The following RBFOX1 variants were observed in gnomAD, a reference collection of about 807,000 sequenced individuals.
RBFOX1 encodes RNA binding protein fox-1 homolog 1.
In RBFOX1, 8 loss-of-function variants were observed where a neutral mutation model predicts 57.7. The observed-to-expected ratio is 0.14, with a 90% CI of 0.08 to 0.25. The LOEUF (loss-of-function observed/expected upper bound fraction) is 0.25, where lower values mean the gene tolerates loss of function less well. Ranked by LOEUF, RBFOX1 falls within the 10% of genes least tolerant of loss-of-function variation. RBFOX1 has a pLI of 1.00. For missense variants in RBFOX1, 611 were observed against 548.5 expected, an observed-to-expected ratio of 1.11 and a Z score of -1.14; for synonymous variants, 326 against 222.4, an observed-to-expected ratio of 1.47 and a Z score of -4.15.
At chr16:7,596,894 T>C (rs1413134815) in intron 8 of RBFOX1, among the ~76,000 whole-genome samples, 2 of 152,236 alleles carry the variant, frequency 1.3e-5, no homozygotes, top group Non-Finnish European at 2.9e-5. Flanking sequence ...GCTTTCCTGA[T>C]GGTTCTTTCC....
intron 4 of RBFOX1, among the ~76,000 whole-genome samples, chr16:5,888,186 C>A (rs2057947314): frequency 6.6e-6 from 1 of 152,146 alleles, no homozygotes; most frequent in Non-Finnish European, 1.5e-5. Flanking sequence ...TGCCCCAGCG[C>A]CTTTGCAGAG....
chr16:5,760,019 A>C (rs1047406673), intron 3 of RBFOX1, among the ~76,000 whole-genome samples: 3 of 151,986 alleles, frequency 2.0e-5, no homozygotes, highest in African/African-American at 4.8e-5. Flanking sequence ...AAAAAAAAAA[A>C]AAACCTTGTA....
intron 5 of RBFOX1, among the ~76,000 whole-genome samples, chr16:7,519,075 T>C (rs2076990783): frequency 6.6e-6 from 1 of 152,144 alleles, no homozygotes; most frequent in South Asian, 2.1e-4. Flanking sequence ...TACCTTAAAA[T>C]TAGTATATTT....
At chr16:7,111,878 G>A (rs900751375) in intron 4 of RBFOX1, among the ~76,000 whole-genome samples, 18 of 151,830 alleles carry the variant, frequency 1.2e-4, no homozygotes, top group Admixed American at 9.8e-4. Context: ...CAGTTGAATT[G>A]AAAAGCTGCT....
chr16:6,871,956 TGTGTG>T (rs1224088052), intron 3 of RBFOX1, among the ~76,000 whole-genome samples: 4 of 150,002 alleles, frequency 2.7e-5, no homozygotes, highest in African/African-American at 4.9e-5. Flanking sequence ...TGTGTGTGTG[TGTGTG>T]TTTCCCTCGG....
chr16:7,073,696 A>T (rs552199811), intron 4 of RBFOX1, among the ~76,000 whole-genome samples: 210 of 152,018 alleles, frequency 1.4e-3, no homozygotes, highest in African/African-American at 4.3e-3. Flanking sequence ...AATAAAAAAA[A>T]ATATATACAA....
At chr16:6,377,273 CA>C (rs57044618) in intron 2 of RBFOX1, among the ~76,000 whole-genome samples, 223 of 88,440 alleles carry the variant, frequency 2.5e-3, no homozygotes, top group Admixed American at 5.3e-3. Context: ...GACCCTGTCT[CA>C]AAAAAAAAAA....
At chr16:7,453,678 C>G (rs1247576682) in intron 4 of RBFOX1, among the ~76,000 whole-genome samples, 2 of 152,130 alleles carry the variant, frequency 1.3e-5, no homozygotes, top group Non-Finnish European at 2.9e-5. Flanking sequence ...AAGCACTGGT[C>G]AAGGTACTGA....
At chr16:7,495,079 C>G (rs1170338455) in intron 4 of RBFOX1, among the ~76,000 whole-genome samples, 2 of 152,104 alleles carry the variant, frequency 1.3e-5, no homozygotes, top group African/African-American at 2.4e-5. Flanking sequence ...TACTCGTTTT[C>G]TGTTCCTGCA....
intron 1 of RBFOX1, among the ~76,000 whole-genome samples, chr16:6,183,297 G>A (rs1342889298): frequency 1.3e-5 from 2 of 151,806 alleles, no homozygotes; most frequent in Non-Finnish European, 2.9e-5. Context: ...TGGGTAACAA[G>A]GTGAAACCCT....
intron 1 of RBFOX1, among the ~76,000 whole-genome samples, chr16:6,110,045 C>G (rs1418828572): frequency 2.0e-5 from 3 of 152,064 alleles, no homozygotes; most frequent in Non-Finnish European, 2.9e-5. Flanking sequence ...AATAAATAAC[C>G]TCATGTGATT....
At chr16:5,794,459 G>A (rs2054808171) in intron 3 of RBFOX1, among the ~76,000 whole-genome samples, 2 of 151,856 alleles carry the variant, frequency 1.3e-5, no homozygotes, top group South Asian at 2.1e-4. Flanking sequence ...ACACCAAAAT[G>A]TCTGTGATAC....
chr16:6,815,260 G>A (rs1004481094), intron 3 of RBFOX1, among the ~76,000 whole-genome samples: 1 of 152,054 alleles, frequency 6.6e-6, no homozygotes, highest in Non-Finnish European at 1.5e-5. Flanking sequence ...TCTTGGTTTT[G>A]GTGGGTTTTG....
intron 2 of RBFOX1, among the ~76,000 whole-genome samples, chr16:6,565,650 G>A (rs2097254380): frequency 6.6e-6 from 1 of 150,504 alleles, no homozygotes; most frequent in South Asian, 2.1e-4. Flanking sequence ...TGTATTTTTA[G>A]TAGAGACGGG....
intron 3 of RBFOX1, among the ~76,000 whole-genome samples, chr16:6,909,181 T>C (rs2070886801): frequency 1.3e-5 from 2 of 152,214 alleles, no homozygotes; most frequent in South Asian, 2.1e-4. Context: ...GGAGGTTCTT[T>C]GGGAGAATGT....
intron 3 of RBFOX1, among the ~76,000 whole-genome samples, chr16:6,833,084 C>G (rs1341545459): frequency 1.3e-5 from 2 of 151,936 alleles, no homozygotes; most frequent in Non-Finnish European, 2.9e-5. Flanking sequence ...GGTCTTTGAA[C>G]TCACTCCTCT....
rs140060763 is a variant in RBFOX1, at chr16:5,733,855, C to T, written c.319-133448C>T. Among the ~76,000 whole-genome samples the T allele has an allele frequency of 3.3e-5, 5 of 152,064 alleles. No individual in the cohort carries two copies. In the East Asian group the frequency reaches 7.8e-4, roughly 24 times the overall value. Reference sequence around the variant, plus strand: ...GATGCTCTAGTCTTTCCCTGGGATGCGTCTTCTTTTCTCTCAGCTTTCTCT... The same window carrying T: ...GATGCTCTAGTCTTTCCCTGGGATGTGTCTTCTTTTCTCTCAGCTTTCTCT... On this transcript the variant is annotated intron_variant, in intron 3 of 19. Coordinates refer to the RBFOX1 transcript ENST00000641259.
At chr16:7,436,305 C>T (rs762089429) in intron 4 of RBFOX1, among the ~76,000 whole-genome samples, 6 of 152,184 alleles carry the variant, frequency 3.9e-5, no homozygotes, top group Non-Finnish European at 5.9e-5. Flanking sequence ...GTTTTCCCAT[C>T]CTCTTTCATT....
intron 3 of RBFOX1, among the ~76,000 whole-genome samples, chr16:6,708,193 C>T (rs2063103656): frequency 2.0e-5 from 3 of 152,082 alleles, no homozygotes; most frequent in South Asian, 2.1e-4. Flanking sequence ...TTATTAAGCC[C>T]CCTCCTTTGT....
Sources: gnomAD v4.1 joint callset for allele counts (sites outside exome capture counted in the v4.1 genomes callset) on GRCh38, gnomAD v4.1.1 for gene constraint, MANE v1.5 for transcripts, NCBI Gene and HGNC (gene_info 2026-07-23, HGNC 2026-07-21) for gene names.